Variants in EFCAB6 observed in about 807,000 individuals in gnomAD.
The protein encoded by EFCAB6 is EF-hand calcium binding domain 6.
A neutral mutation model predicts 169.8 loss-of-function variants in EFCAB6; 156 were observed. The observed-to-expected ratio is 0.92, with a 90% CI of 0.81 to 1.05. The LOEUF (loss-of-function observed/expected upper bound fraction) is 1.05, where lower values mean the gene tolerates loss of function less well. EFCAB6 is among the 50% of genes least tolerant of loss of function. EFCAB6 has a pLI of 0.00. For missense variants in EFCAB6, 1,800 were observed against 1,829.1 expected, an observed-to-expected ratio of 0.98 and a Z score of 0.29; for synonymous variants, 698 against 676.4, an observed-to-expected ratio of 1.03 and a Z score of -0.50.
At chr22:43,538,757 C>T (rs1382216205) in intron 28 of EFCAB6, among the ~76,000 whole-genome samples, 1 of 152,206 alleles carries the variant, frequency 6.6e-6, no homozygotes, top group Non-Finnish European at 1.5e-5. Context: ...AGGCTCCATA[C>T]CCCTTGAGTG....
intron 13 of EFCAB6, among the ~76,000 whole-genome samples, chr22:43,677,435 C>T (rs1160903168): frequency 3.3e-5 from 5 of 152,158 alleles, no homozygotes; most frequent in African/African-American, 1.2e-4. Context: ...ATCACGAGGT[C>T]AGGAGATCAA....
chr22:43,778,239 G>C (rs1222802280), intron 3 of EFCAB6, among the ~76,000 whole-genome samples: 3 of 152,182 alleles, frequency 2.0e-5, no homozygotes, highest in Non-Finnish European at 2.9e-5. Flanking sequence ...AGATTCCCAG[G>C]GACCTTGGTC....
intron 26 of EFCAB6, among the ~76,000 whole-genome samples, chr22:43,574,892 T>A (rs989841160): frequency 1.3e-5 from 2 of 152,044 alleles, no homozygotes; most frequent in African/African-American, 4.8e-5. Flanking sequence ...GGATGTGGAG[T>A]GTCAGGAACT....
chr22:43,618,162 G>GA (rs1294972495), intron 20 of EFCAB6, among the ~76,000 whole-genome samples: 4 of 109,020 alleles, frequency 3.7e-5, no homozygotes, highest in South Asian at 3.5e-4. Context: ...AGGAAGGAAG[G>GA]AAGGAAAGAA....
At chr22:43,582,474 T>A (rs924475542) in intron 24 of EFCAB6, among the ~76,000 whole-genome samples, 1 of 152,170 alleles carries the variant, frequency 6.6e-6, no homozygotes, top group South Asian at 2.1e-4. Flanking sequence ...AGACAAGCCA[T>A]CAATGTGTGT....
chr22:43,751,840 A>G (rs2060779119), intron 6 of EFCAB6, among the ~76,000 whole-genome samples: 1 of 152,198 alleles, frequency 6.6e-6, no homozygotes, highest in African/African-American at 2.4e-5. Flanking sequence ...CTTTTCTCTC[A>G]GCTTCCTTCC....
At chr22:43,713,786 T>C (rs557578849) in intron 9 of EFCAB6, among the ~76,000 whole-genome samples, 24 of 152,278 alleles carry the variant, frequency 1.6e-4, no homozygotes, top group African/African-American at 4.8e-4. Flanking sequence ...AGGGAAACTG[T>C]AGAGCAGTGA....
At chr22:43,567,412 T>G (rs918985952) in intron 26 of EFCAB6, among the ~76,000 whole-genome samples, 19 of 152,342 alleles carry the variant, frequency 1.2e-4, no homozygotes, top group African/African-American at 4.3e-4. Context: ...CTATGCCACT[T>G]AATCACATCA....
At chr22:43,620,829 G>A (rs2054066678) in intron 20 of EFCAB6, among the ~76,000 whole-genome samples, 1 of 152,084 alleles carries the variant, frequency 6.6e-6, no homozygotes, top group African/African-American at 2.4e-5. Flanking sequence ...TAAGGAGATA[G>A]AAAATAATGA....
rs544674477 is a variant in EFCAB6 at position 43,711,187 on chromosome 22, T to TAG, written c.1031+286_1031+287dup. 2.6e-5 allele frequency among the ~76,000 whole-genome samples: 4 copies of TAG among 152,244 alleles called. No homozygotes were observed. In the South Asian group the frequency reaches 6.2e-4, roughly 24 times the overall value. On this transcript the variant is annotated intron_variant, in intron 10 of 31. Coordinates refer to ENST00000262726, the MANE Select transcript of EFCAB6 (RefSeq NM_022785.4). ...GTTTCTAAAAAGAGTTCTTATTTTT[T>TAG]AGAGAGAGAGGGAAATATGCTATCT... is the stretch of plus-strand genomic sequence containing the variant.
At chr22:43,556,647 T>C (rs2048723155) in intron 26 of EFCAB6, among the ~76,000 whole-genome samples, 1 of 152,226 alleles carries the variant, frequency 6.6e-6, no homozygotes, top group South Asian at 2.1e-4. Context: ...CTGTGTTTTA[T>C]GACAGAGAAG....
chr22:43,652,221 T>C lies in EFCAB6; in HGVS notation c.1983+14883A>G, dbSNP rs142868750. 1.3e-4 allele frequency among the ~76,000 whole-genome samples: 20 copies of C among 152,302 alleles called. No homozygotes were observed. The East Asian group carries it at 3.9e-3, about 29-fold the overall frequency. ...GGTAATTGAATCATGGGGGCAAGTC[T>C]TTCCTGTGCTGTTCTCTTGATGGTG... On this transcript the variant is annotated intron_variant, in intron 17 of 31. Transcript: ENST00000262726.
chr22:43,674,011 A>T (rs997139482), intron 13 of EFCAB6, among the ~76,000 whole-genome samples: 1 of 152,146 alleles, frequency 6.6e-6, no homozygotes, highest in Non-Finnish European at 1.5e-5. Flanking sequence ...CTTTTAAATA[A>T]AATAGCTACA....
In EFCAB6 at chr22:43,683,194, A is replaced by G. The variant is rs139481206; in HGVS notation, c.1251+553T>C. On this transcript the variant is annotated intron_variant, in intron 12 of 31. Transcript: ENST00000262726. ...TGCTTAGTAAATGTTGCTGCGTATCAAAAGGATCCAAATGCTGCTTTCTAA... is the reference window on the plus strand; with the variant it reads ...TGCTTAGTAAATGTTGCTGCGTATCGAAAGGATCCAAATGCTGCTTTCTAA... 5.9e-5 allele frequency among the ~76,000 whole-genome samples: 9 copies of G among 152,346 alleles called. 1 individual carries two copies. The highest frequency in any genetic ancestry group is 4.1e-4 in the South Asian group (2 of 4,824).
At chr22:43,608,381 C>T (rs779649342) in intron 22 of EFCAB6, 101 bp downstream of exon 22, 2 of 950,058 alleles carry the variant, frequency 2.1e-6, no homozygotes. Context: ...ATACTCCCAG[C>T]CCCCAGTTAC....
chr22:43,559,466 G>C (rs2048900125), intron 26 of EFCAB6, among the ~76,000 whole-genome samples: 1 of 152,190 alleles, frequency 6.6e-6, no homozygotes. Flanking sequence ...ATTCCTCAAA[G>C]ATCTAGAACC....
intron 23 of EFCAB6, among the ~76,000 whole-genome samples, chr22:43,590,967 ATTTTG>A (rs2051471593): frequency 6.6e-6 from 1 of 151,670 alleles, no homozygotes; most frequent in African/African-American, 2.4e-5. Context: ...CAGAGACCCC[ATTTTG>A]TTTTGTTTGT....
At chr22:43,658,389 T>C (rs985855554) in intron 17 of EFCAB6, among the ~76,000 whole-genome samples, 2 of 151,858 alleles carry the variant, frequency 1.3e-5, no homozygotes, top group South Asian at 2.1e-4. Context: ...AACAGAGAAA[T>C]TGGGTTGGTC....
chr22:43,627,292 C>T (rs1257630200), intron 19 of EFCAB6, among the ~76,000 whole-genome samples: 2 of 152,104 alleles, frequency 1.3e-5, no homozygotes, highest in Non-Finnish European at 2.9e-5. Flanking sequence ...CCAGGGAATC[C>T]GTGACTAGAG....
Sources: allele counts gnomAD v4.1 joint callset (sites outside exome capture counted in the v4.1 genomes callset), GRCh38; gene constraint gnomAD v4.1.1; transcripts MANE v1.5; gene names NCBI Gene and HGNC (gene_info 2026-07-23, HGNC 2026-07-21).